The following PLAAT3 variants were observed in gnomAD, a reference collection of about 807,000 sequenced individuals.
PLAAT3 encodes phospholipase A and acyltransferase 3.
Under a neutral mutation model 16.7 loss-of-function variants are expected in PLAAT3, and 21 were observed. The observed-to-expected ratio is 1.26, with a 90% CI of 0.89 to 1.81. The LOEUF is 1.81. PLAAT3 is among the 40% of genes most tolerant of loss of function. The pLI, the probability that PLAAT3 is intolerant of heterozygous loss-of-function variation, is 0.00. For missense variants in PLAAT3, 219 were observed against 213.7 expected, an observed-to-expected ratio of 1.02 and a Z score of -0.16; for synonymous variants, 76 against 81.7, an observed-to-expected ratio of 0.93 and a Z score of 0.38.
chr11:63,606,463 C>CA (rs1555046401), intron 2 of PLAAT3, among the ~76,000 whole-genome samples: 1 of 146,480 alleles, frequency 6.8e-6, no homozygotes, highest in Non-Finnish European at 1.5e-5. Flanking sequence ...CACACACACA[C>CA]CTTAGTAAAT....
At chr11:63,614,270 G>A (rs530132540) in intron 1 of PLAAT3, 115 bp downstream of exon 1, 401 of 579,842 alleles carry the variant, frequency 6.9e-4, no homozygotes, top group African/African-American at 4.6e-3. Context: ...CGGCTCGGCA[G>A]GCTAGTCTAC....
At chr11:63,614,488 C>A (rs1366576904), upstream of PLAAT3, 2 of 156,328 alleles carry the variant, frequency 1.3e-5, no homozygotes, top group Non-Finnish European at 1.4e-5. Flanking sequence ...CCCGCGCCGC[C>A]GGCTAATGAG....
chr11:63,585,372 C>T (rs1937944210), intron 4 of PLAAT3, among the ~76,000 whole-genome samples: 1 of 152,086 alleles, frequency 6.6e-6, no homozygotes, highest in South Asian at 2.1e-4. Context: ...GATCATTACT[C>T]ACCTAAGTCA....
intron 2 of PLAAT3, among the ~76,000 whole-genome samples, chr11:63,610,473 T>C (rs1938665783): frequency 6.6e-6 from 1 of 152,174 alleles, no homozygotes; most frequent in African/African-American, 2.4e-5. Flanking sequence ...ACTGACAATG[T>C]TCTCAGCAGA....
chr11:63,598,798 TC>T, intron 2 of PLAAT3: 1 of 489,982 alleles, frequency 2.0e-6, no homozygotes, highest in Admixed American at 2.2e-5. Flanking sequence ...GGCATCAGTC[TC>T]CAGCAGTAAT....
At chr11:63,578,541 A>C (rs998898595) in intron 4 of PLAAT3, among the ~76,000 whole-genome samples, 10 of 152,220 alleles carry the variant, frequency 6.6e-5, no homozygotes, top group Non-Finnish European at 7.3e-5. Flanking sequence ...CCAATGGAAC[A>C]GAACAGAGCC....
chr11:63,585,592 T>C (rs1222219026), intron 4 of PLAAT3, among the ~76,000 whole-genome samples: 8 of 152,090 alleles, frequency 5.3e-5, no homozygotes, highest in Admixed American at 5.2e-4. Context: ...GAAACCCCTA[T>C]CCTAGACCAA....
chr11:63,614,504 C>A (rs3809072), upstream of PLAAT3: 76,540 of 154,958 alleles, frequency 0.49, 19,292 homozygotes, highest in Non-Finnish European at 0.54. Flanking sequence ...ATGAGAGCCT[C>A]GCAGAGCGCC....
intron 4 of PLAAT3, among the ~76,000 whole-genome samples, chr11:63,580,868 A>C (rs1241105121): frequency 2.0e-5 from 3 of 152,218 alleles, no homozygotes; most frequent in Non-Finnish European, 4.4e-5. Context: ...GGGACCCCAA[A>C]CGGAGGACCA....
intron 2 of PLAAT3, among the ~76,000 whole-genome samples, chr11:63,598,944 G>A (rs1938358826): frequency 6.6e-6 from 1 of 152,114 alleles, no homozygotes; most frequent in Non-Finnish European, 1.5e-5. Flanking sequence ...AGGTAGGGAG[G>A]GTGCAGTAAA....
At chr11:63,615,208 GTATA>G (rs377458258), upstream of PLAAT3, among the ~76,000 whole-genome samples, 1 of 33,766 alleles carries the variant, frequency 3.0e-5, no homozygotes, top group African/African-American at 8.1e-5. Context: ...ATATATGTGT[GTATA>G]TATATGTGTA....
At chr11:63,575,720 A>G (rs1021199735) in intron 4 of PLAAT3, among the ~76,000 whole-genome samples, 1 of 152,212 alleles carries the variant, frequency 6.6e-6, no homozygotes, top group African/African-American at 2.4e-5. Context: ...AAGTAAACTA[A>G]GGCATTTGTT....
At chr11:63,581,023 A>T (rs968869951) in intron 4 of PLAAT3, among the ~76,000 whole-genome samples, 1 of 152,184 alleles carries the variant, frequency 6.6e-6, no homozygotes, top group Non-Finnish European at 1.5e-5. Flanking sequence ...GACATTTATC[A>T]CTTCCCCAAT....
At position 63,590,101 on chromosome 11, in the gene PLAAT3, TG is replaced by T. The variant is rs1229559585; in HGVS notation, c.385del (p.Gln129ArgfsTer19). On this transcript the variant is annotated frameshift_variant and splice_region_variant, in exon 4 of 5. Transcript: ENST00000415826. LOFTEE classifies it high-confidence loss of function. ...AGGCGACACAGGCAGAGGACGCACC[TG>T]GTCACTGCGGGCGACTCCATAGCGC... ...ELRYGVARSDQVRDVIIAASV... is the reference protein window; with the variant it reads ...ELRYGVARSDXVRDVIIAASV... 6 of 1,613,022 alleles carry T rather than the reference TG, an allele frequency of 3.7e-6. No individual in the cohort carries two copies. Among genetic ancestry groups the T allele is most frequent in the Non-Finnish European group, 5.1e-6 (6 of 1,179,276 alleles).
At chr11:63,606,722 G>A (rs535269523) in intron 2 of PLAAT3, among the ~76,000 whole-genome samples, 29 of 152,320 alleles carry the variant, frequency 1.9e-4, no homozygotes, top group Admixed American at 1.8e-3. Context: ...AGCGGGGCGC[G>A]TGTCTGAGCA....
chr11:63,611,831 G>A lies in PLAAT3; in HGVS notation c.15+2169C>T, dbSNP rs191536739. 1.2e-3 allele frequency among the ~76,000 whole-genome samples: 183 copies of A among 152,284 alleles called. 1 individual carries two copies. The highest frequency in any genetic ancestry group is 4.2e-3 in the African/African-American group (175 of 41,572). On this transcript the variant is annotated intron_variant, in intron 2 of 4. Transcript: ENST00000415826. ...GCAGAAGAAAAACTTGGGGAATTTT[G>A]CCAAATATAATTGAAATGTATGATG...
At chr11:63,598,887 AGT>A (rs1454117632) in intron 2 of PLAAT3, among the ~76,000 whole-genome samples, 2 of 152,176 alleles carry the variant, frequency 1.3e-5, no homozygotes, top group African/African-American at 4.8e-5. Context: ...TGGATGCATG[AGT>A]GTGAGACTAC....
Position 63,592,786 on chromosome 11 carries a change from G to A in PLAAT3, c.119-2418C>T, listed in dbSNP as rs992542887. The stretch of plus-strand genomic sequence containing the variant: ...CTGTGAGGATTAAAGGGGTTGGCCA[G>A]AAAACATGCTTTCACCAGTGTCTGG... On this transcript the variant is annotated intron_variant, in intron 3 of 4. Coordinates refer to ENST00000415826, the MANE Select transcript of PLAAT3 (RefSeq NM_001128203.2). Among the ~76,000 whole-genome samples, 6 of 152,200 alleles carry A rather than the reference G, an allele frequency of 3.9e-5. No individual in the cohort carries two copies. The East Asian group carries it at 1.2e-3, about 29-fold the overall frequency.
intron 3 of PLAAT3, among the ~76,000 whole-genome samples, chr11:63,596,158 G>A (rs919285216): frequency 2.8e-5 from 4 of 143,498 alleles, no homozygotes; most frequent in Non-Finnish European, 3.1e-5. Flanking sequence ...GGAGAACGGC[G>A]TGAACCCGGA....
Sources: gnomAD v4.1 joint callset for allele counts (sites outside exome capture counted in the v4.1 genomes callset) on GRCh38, gnomAD v4.1.1 for gene constraint, MANE v1.5 for transcripts, NCBI Gene and HGNC (gene_info 2026-07-23, HGNC 2026-07-21) for gene names.